The following FANCA variants were observed in gnomAD, a reference collection of about 807,000 sequenced individuals.
The protein encoded by FANCA is FA complementation group A.
FANCA carries 236 observed loss-of-function variants against 194.3 expected under a neutral mutation model. The ratio of observed to expected loss-of-function variants is 1.21; its 90% CI spans 1.09 to 1.35. FANCA has a LOEUF of 1.35. Ranked by LOEUF, FANCA falls within the 40% of genes most tolerant of loss-of-function variation. The pLI is 0.00. For synonymous variants in FANCA, 1,014 were observed against 715.8 expected, an observed-to-expected ratio of 1.42 and a Z score of -6.65; for missense variants, 2,628 against 1,813.9, an observed-to-expected ratio of 1.45 and a Z score of -8.15.
chr16:89,798,655 G>A (rs753960399), intron 10 of FANCA: 2 of 1,228,922 alleles, frequency 1.6e-6, no homozygotes, highest in East Asian at 3.6e-5. Context: ...GACCTGTAAG[G>A]GTCTCCGCAC....
At chr16:89,739,671 G>A (rs898687852) in intron 39 of FANCA, 118 bp from the exon 40 acceptor site, 2 of 1,508,736 alleles carry the variant, frequency 1.3e-6, no homozygotes, top group Non-Finnish European at 9.0e-7. Context: ...GGGATAGTGT[G>A]GGGCGAACAG....
rs1484087361 is a variant in FANCA, at chr16:89,816,605, G to A, written c.11C>T (p.Ser4Leu). The change falls in exon 1 of 43, where the codon TCG (serine) becomes TTG (leucine). Residue 4 changes from serine (S) to leucine (L), a missense_variant. By Grantham distance (145) the Ser-to-Leu change is moderately radical (BLOSUM62 -2). Coordinates refer to ENST00000389301, the MANE Select transcript of FANCA (RefSeq NM_000135.4). MSD[S>L]WVPNSASGQD... ...GCCCGAGGCGGAGTTCGGGACCCAC[G>A]AGTCGGACATGGCCTTGGCGCCTAC... is the stretch of plus-strand genomic sequence containing the variant. 5 of 1,525,832 alleles carry A rather than the reference G, an allele frequency of 3.3e-6. No individual in the cohort carries two copies. The highest frequency in any genetic ancestry group is 4.4e-6 in the Non-Finnish European group (5 of 1,144,550). The allele number at this position is 1,525,832 out of a possible 1,614,324, so 94.5% of individuals were successfully genotyped here. A position where few individuals can be genotyped will look rare whatever the true frequency, so the allele number is the denominator to read the frequency against.
chr16:89,788,681 T>C (rs2039973481), intron 14 of FANCA, among the ~76,000 whole-genome samples: 1 of 151,868 alleles, frequency 6.6e-6, no homozygotes, highest in South Asian at 2.1e-4. Flanking sequence ...ACACCTATAG[T>C]CCCAGTTACT....
intron 2 of FANCA, 40 bp downstream of exon 2, chr16:89,815,837 A>C (rs2041092142): frequency 6.7e-7 from 1 of 1,495,130 alleles, no homozygotes; most frequent in Non-Finnish European, 9.3e-7. Context: ...AAAACCCCGA[A>C]CCTAAATCTG....
intron 8 of FANCA, 105 bp downstream of exon 8, chr16:89,803,154 A>G (rs1174562153): frequency 3.7e-6 from 4 of 1,077,426 alleles, no homozygotes; most frequent in Non-Finnish European, 5.8e-6. Flanking sequence ...CCCCGTAAAT[A>G]GGTACAAACA....
intron 10 of FANCA, 166 bp downstream of exon 10, chr16:89,799,000 C>A (rs2040346068): frequency 1.2e-6 from 2 of 1,614,054 alleles, no homozygotes; most frequent in South Asian, 1.1e-5. Context: ...GTTCCCCGGG[C>A]TTTCCCATGG....
intron 27 of FANCA, 104 bp from the exon 28 acceptor site, chr16:89,765,170 C>A: frequency 7.5e-7 from 1 of 1,330,740 alleles, no homozygotes; most frequent in Non-Finnish European, 1.1e-6. Context: ...CCCACACACA[C>A]AACCCCACAT....
chr16:89,762,578 A>G (rs2038988868), intron 28 of FANCA: 1 of 222,822 alleles, frequency 4.5e-6, no homozygotes, highest in Non-Finnish European at 9.3e-6. Context: ...GGAAAAAAAA[A>G]AAAAAGAAAA....
At chr16:89,757,017 C>T (rs1475122713) in intron 30 of FANCA, among the ~76,000 whole-genome samples, 1 of 152,182 alleles carries the variant, frequency 6.6e-6, no homozygotes, top group African/African-American at 2.4e-5. Context: ...CTCACTCTGT[C>T]ACACAGGCTG....
chr16:89,790,974 T>G, intron 14 of FANCA: 1 of 245,262 alleles, frequency 4.1e-6, no homozygotes. Flanking sequence ...GGACTACAGG[T>G]GTCTGCCACC....
intron 11 of FANCA, 128 bp from the exon 12 acceptor site, chr16:89,792,675 A>T: frequency 1.3e-6 from 1 of 746,546 alleles, no homozygotes; most frequent in Non-Finnish European, 2.3e-6. Flanking sequence ...TGTAGAAAGA[A>T]AGATACAAGA....
At chr16:89,746,948 A>C (rs906423097) in intron 33 of FANCA, 58 bp from the exon 34 acceptor site, 8 of 1,430,854 alleles carry the variant, frequency 5.6e-6, no homozygotes, top group Non-Finnish European at 6.7e-6. Flanking sequence ...CGAGACCAAC[A>C]TGCAGAGTGG....
At chr16:89,740,227 G>C in intron 38 of FANCA, 128 bp from the exon 39 acceptor site, 1 of 836,564 alleles carries the variant, frequency 1.2e-6, no homozygotes. Flanking sequence ...ACTGGTGACA[G>C]TTTTACCTAT....
At position 89,749,830 on chromosome 16, in the gene FANCA, AGT is replaced by A; in HGVS notation, c.3137_3138del (p.His1046LeufsTer4). 6.2e-7 allele frequency: 1 copy of A among 1,614,190 alleles called. No individual in the cohort carries two copies. The highest frequency in any genetic ancestry group is 8.5e-7 in the Non-Finnish European group (1 of 1,180,028). ...CGTCTGCGGAAAATCTCAAAGAGGA[AGT>A]GCTCCTGGGAAGGGGTGTGGCCGAG... ...VPLGHTPSQEHFLFEIFRRRL... is the reference protein window; with the variant it reads ...VPLGHTPSQEXFLFEIFRRRL... On this transcript the variant is annotated frameshift_variant, in exon 32 of 43. Coordinates refer to ENST00000389301, the MANE Select transcript of FANCA (RefSeq NM_000135.4). LOFTEE classifies it high-confidence loss of function.
At chr16:89,780,886 C>T (rs905439639) in intron 17 of FANCA, among the ~76,000 whole-genome samples, 5 of 148,546 alleles carry the variant, frequency 3.4e-5, no homozygotes, top group Admixed American at 6.8e-5. Context: ...ACTGTGATCA[C>T]GGTACTATAC....
At chr16:89,789,322 ACCGCAGCCACGATGGCGAT>A (rs1353647123) in intron 14 of FANCA, among the ~76,000 whole-genome samples, 9 of 151,040 alleles carry the variant, frequency 6.0e-5, no homozygotes, top group African/African-American at 2.2e-4. Flanking sequence ...GGGAGCAGGC[ACCGCAGCCACGATGGCGAT>A]GCAGGCACCG....
At chr16:89,800,925 C>T (rs917646643) in intron 8 of FANCA, among the ~76,000 whole-genome samples, 2 of 150,544 alleles carry the variant, frequency 1.3e-5, no homozygotes, top group Admixed American at 6.7e-5. Context: ...CCCAGCTACT[C>T]GGGAGACTGA....
intron 31 of FANCA, among the ~76,000 whole-genome samples, chr16:89,751,636 G>T (rs1476125447): frequency 1.3e-5 from 2 of 152,166 alleles, no homozygotes; most frequent in African/African-American, 2.4e-5. Flanking sequence ...CGGGTGGCCA[G>T]CACCAGTAAA....
Position 89,759,318 on chromosome 16 carries a change from T to TTAAAAAAAAAAAAA in FANCA, c.2853-614_2853-613insTTTTTTTTTTTTTA, listed in dbSNP as rs1224981781. Among the ~76,000 whole-genome samples, 117 of 75,202 alleles carry TTAAAAAAAAAAAAA rather than the reference T, an allele frequency of 1.6e-3. 37 individuals are homozygous for TTAAAAAAAAAAAAA. The highest frequency in any genetic ancestry group is 0.014 in the Middle Eastern group (1 of 74). The allele number at this position is 75,202 out of a possible 152,430, so 49.3% of individuals were successfully genotyped here. A position where few individuals can be genotyped will look rare whatever the true frequency, so the allele number is the denominator to read the frequency against. On this transcript the variant is annotated intron_variant, in intron 29 of 42. Transcript: ENST00000389301. ...TTGGGCAACAGAGCGAGACTCCGTC[T>TTAAAAAAAAAAAAA]AAAAAAAAAAAAAAAAAAAAAAAAA... is the stretch of plus-strand genomic sequence containing the variant.
Sources: allele counts gnomAD v4.1 joint callset (sites outside exome capture counted in the v4.1 genomes callset), GRCh38; gene constraint gnomAD v4.1.1; transcripts MANE v1.5; gene names NCBI Gene and HGNC (gene_info 2026-07-23, HGNC 2026-07-21).